Variants in THNSL2 observed in about 807,000 individuals in gnomAD.
THNSL2 encodes threonine synthase like 2.
Under a neutral mutation model 40.0 loss-of-function variants are expected in THNSL2, and 34 were observed. That is an observed-to-expected ratio of 0.85 (90% CI 0.65 to 1.13). THNSL2 has a LOEUF of 1.13. THNSL2 is among the 50% of genes most tolerant of loss of function. THNSL2 has a pLI of 0.00. For missense variants in THNSL2, 537 were observed against 608.8 expected, an observed-to-expected ratio of 0.88 and a Z score of 1.24; for synonymous variants, 241 against 247.5, an observed-to-expected ratio of 0.97 and a Z score of 0.25.
intron 4 of THNSL2, chr2:88,175,618 A>G: frequency 1.8e-6 from 1 of 560,816 alleles, no homozygotes; most frequent in Non-Finnish European, 3.1e-6. Flanking sequence ...AACTGATACC[A>G]ACAGTACAAC....
At chr2:88,174,996 T>C (rs1182558318) in intron 3 of THNSL2, among the ~76,000 whole-genome samples, 163 bp downstream of exon 3, 1 of 152,222 alleles carries the variant, frequency 6.6e-6, no homozygotes, top group Admixed American at 6.5e-5. Flanking sequence ...GCCAGGCTGA[T>C]GGAGGCTATG....
chr2:88,170,820 T>C (rs1466687454), intron 1 of THNSL2, among the ~76,000 whole-genome samples: 2 of 151,076 alleles, frequency 1.3e-5, no homozygotes, highest in African/African-American at 4.8e-5. Context: ...GCCCGGGGTC[T>C]GCCTCCACCC....
chr2:88,175,688 C>T, intron 4 of THNSL2: 1 of 348,122 alleles, frequency 2.9e-6, no homozygotes, highest in South Asian at 5.5e-5. Context: ...CATGTCCAAC[C>T]TGCAAGTGTC....
In THNSL2 at chr2:88,178,856, CAATCTGATGAGCCTG is replaced by C; in HGVS notation, c.649_663del (p.Leu217_Asn221del). The C allele has an allele frequency of 6.2e-7, 1 of 1,614,194 alleles. No homozygotes were observed. The highest frequency in any genetic ancestry group is 8.5e-7 in the Non-Finnish European group (1 of 1,180,036). On this transcript the variant is annotated inframe_deletion, in exon 5 of 9. Coordinates refer to ENST00000674334, the MANE Select transcript of THNSL2 (RefSeq NM_018271.5). The stretch of plus-strand genomic sequence containing the variant: ...CCGATGTGGCTTTTGTCAAGAAGCA[CAATCTGATGAGCCTG>C]AATTCGATCAACTGGTCCCGGGTCC...
rs996728983 is a variant in THNSL2, at chr2:88,183,000, A to G, written c.1004A>G (p.Gln335Arg). 3 of 1,614,172 alleles carry G rather than the reference A, an allele frequency of 1.9e-6. No homozygotes were observed. In the South Asian group the frequency reaches 3.3e-5, roughly 18 times the overall value. Residue 335 changes from glutamine (Q) to arginine (R), a missense_variant, in exon 7 of 9, where the codon CAG becomes CGG. Transcript: ENST00000674334. ...VFWLLSGSDS[Q>R]VTRALMEQFE... ...TGGCTGCTCTCTGGCTCTGACAGCC[A>G]GGTGACAAGAGCCCTCATGGAGCAG...
rs1208613320 is a variant in THNSL2, at chr2:88,174,757, C to T, written c.342C>T (p.Asp114=). 1 of 1,614,072 alleles carries T rather than the reference C, an allele frequency of 6.2e-7. No homozygotes were observed. Among genetic ancestry groups the T allele is most frequent in the Non-Finnish European group, 8.5e-7 (1 of 1,180,038 alleles). ...ATGGCGTCACATATGCATTTAAGGA[C>T]CTGTCCCTGTCCTGCACAACACAGT... is the stretch of plus-strand genomic sequence containing the variant. ...LWHGVTYAFK[D]LSLSCTTQFL... The change falls in exon 3 of 9, where the codon GAC becomes GAT. Residue 114 remains aspartate (D), a synonymous_variant. Transcript: ENST00000674334.
intron 1 of THNSL2, chr2:88,172,916 G>T (rs1676511684): frequency 2.7e-6 from 1 of 367,498 alleles, no homozygotes; most frequent in Non-Finnish European, 4.9e-6. Context: ...AAGACAGGAG[G>T]TCAGTGGAAT....
intron 4 of THNSL2, chr2:88,176,772 GT>G (rs1184035909): frequency 1.3e-5 from 2 of 152,164 alleles, no homozygotes; most frequent in Non-Finnish European, 2.9e-5. Flanking sequence ...AAAGTCCATG[GT>G]TTAGCTAATG....
chr2:88,177,212 A>C (rs1458555044), intron 4 of THNSL2: 1 of 152,244 alleles, frequency 6.6e-6, no homozygotes, highest in Non-Finnish European at 1.5e-5. Flanking sequence ...CTTCACAGAA[A>C]TCAGTTTTGT....
In THNSL2 at chr2:88,186,106, C is replaced by T; in HGVS notation, c.1438C>T (p.Leu480Phe). 1 of 1,556,488 alleles carries T rather than the reference C, an allele frequency of 6.4e-7. No homozygotes were observed. The highest frequency in any genetic ancestry group is 8.7e-7 in the Non-Finnish European group (1 of 1,149,496). ...DLSRQWRSHA[L>F]NTSQ ...TAGCCGACAGTGGAGGAGTCATGCC[C>T]TCAACACCTCCCAGTAGCCTGGCTG... The change falls in exon 9 of 9, where the codon CTC becomes TTC. Residue 480 changes from leucine (L) to phenylalanine (F), a missense_variant. Leu to Phe is a conservative substitution (Grantham distance 22, BLOSUM62 0). Coordinates refer to ENST00000674334, the MANE Select transcript of THNSL2 (RefSeq NM_018271.5).
intron 5 of THNSL2, among the ~76,000 whole-genome samples, chr2:88,180,715 G>A (rs111938922): frequency 3.3e-5 from 5 of 152,290 alleles, no homozygotes; most frequent in South Asian, 4.1e-4. Context: ...TCACGTGTCC[G>A]GGCTGTACAC....
chr2:88,183,209 A>G, intron 7 of THNSL2, 136 bp downstream of exon 7: 1 of 1,170,382 alleles, frequency 8.5e-7, no homozygotes, highest in South Asian at 1.7e-5. Flanking sequence ...TTTTACGGCC[A>G]CTTTACATGG....
intron 5 of THNSL2, among the ~76,000 whole-genome samples, chr2:88,179,263 T>G (rs769019094): frequency 2.0e-5 from 3 of 152,232 alleles, no homozygotes; most frequent in Non-Finnish European, 4.4e-5. Flanking sequence ...TGACCTGATG[T>G]GCTCGCTGGC....
Position 88,185,904 on chromosome 2 carries a change from C to T in THNSL2, c.1236C>T (p.Pro412=). Residue 412 remains proline, a synonymous_variant, in exon 9 of 9, where the codon CCC becomes CCT. Transcript: ENST00000674334. ...CCTGCCCCCATCCCCACAGCACTCC[C>T]CGGTGCTGCCTCGCCCCTGCCTCTG... ...QQIDRQQPST[P]RCCLAPASAA... 6.2e-7 allele frequency: 1 copy of T among 1,601,132 alleles called. No individual in the cohort carries two copies. Among genetic ancestry groups the T allele is most frequent in the Non-Finnish European group, 8.5e-7 (1 of 1,174,410 alleles).
chr2:88,185,008 C>T (rs984687341), intron 7 of THNSL2, among the ~76,000 whole-genome samples: 1 of 152,176 alleles, frequency 6.6e-6, no homozygotes, highest in Non-Finnish European at 1.5e-5. Flanking sequence ...GGTGTGCCAA[C>T]AACCAAGCAC....
Position 88,186,337 on chromosome 2 carries a change from C to T in THNSL2, c.*214C>T. The T allele has an allele frequency of 5.1e-6, 3 of 589,200 alleles. No individual in the cohort carries two copies. In the African/African-American group the frequency reaches 5.6e-5, roughly 11 times the overall value. The allele number at this position is 589,200 out of a possible 1,614,324, so 36.5% of individuals were successfully genotyped here. On this transcript the variant is annotated 3_prime_UTR_variant, in exon 9 of 9. Coordinates refer to ENST00000674334, the MANE Select transcript of THNSL2 (RefSeq NM_018271.5). ...AGGGGCTGTGAACAGTTGCCGGAAG[C>T]ACCCCCTCCCTCCCCGGCCCGTGCA...
At chr2:88,176,880 A>C (rs1361275256) in intron 4 of THNSL2, 1 of 152,220 alleles carries the variant, frequency 6.6e-6, no homozygotes, top group Non-Finnish European at 1.5e-5. Flanking sequence ...CACAAGATTC[A>C]GGCTCCTGAG....
chr2:88,182,559 T>C, intron 5 of THNSL2, 140 bp from the exon 6 acceptor site: 1 of 988,094 alleles, frequency 1.0e-6, no homozygotes. Context: ...TGCCTTTTCA[T>C]TTTCTTGATA....
intron 5 of THNSL2, among the ~76,000 whole-genome samples, chr2:88,179,662 A>G (rs1012083259): frequency 6.6e-6 from 1 of 152,184 alleles, no homozygotes; most frequent in Non-Finnish European, 1.5e-5. Context: ...GTGTAGCATT[A>G]AAATCATTTT....
Sources: gnomAD v4.1 joint callset for allele counts (sites outside exome capture counted in the v4.1 genomes callset) on GRCh38, gnomAD v4.1.1 for gene constraint, MANE v1.5 for transcripts, NCBI Gene and HGNC (gene_info 2026-07-23, HGNC 2026-07-21) for gene names.